CYLD: variants seen among roughly 807,000 people sequenced by gnomAD.
CYLD encodes CYLD lysine 63 deubiquitinase, also known as ubiquitin carboxyl-terminal hydrolase CYLD.
In CYLD, 26 loss-of-function variants were observed where a neutral mutation model predicts 104.5. That is an observed-to-expected ratio of 0.25 (90% CI 0.18 to 0.35). The LOEUF is 0.35. Among genes scored for constraint, CYLD ranks in the 10% least tolerant of loss-of-function variants. The probability of loss-of-function intolerance (pLI) is 1.00; values close to 1 mark genes in which losing one functional copy is unlikely to be tolerated. For missense variants in CYLD, 703 were observed against 1,136.1 expected, an observed-to-expected ratio of 0.62 and a Z score of 5.48; for synonymous variants, 385 against 399.9, an observed-to-expected ratio of 0.96 and a Z score of 0.45.
intron 10 of CYLD, among the ~76,000 whole-genome samples, chr16:50,781,842 C>G (rs1391585431): frequency 6.6e-6 from 1 of 152,144 alleles, no homozygotes; most frequent in East Asian, 1.9e-4. Context: ...GGACAGCTCT[C>G]CTCATCATGT....
At chr16:50,754,997 GTATATATACATATATATGTATATATACA>G (rs1966878393) in intron 5 of CYLD, among the ~76,000 whole-genome samples, 4 of 7,560 alleles carry the variant, frequency 5.3e-4, no homozygotes, top group African/African-American at 2.4e-3. Flanking sequence ...ACATATATAT[GTATATATACATATATATGTATATATACA>G]TATATATGTA....
intron 5 of CYLD, among the ~76,000 whole-genome samples, chr16:50,761,567 C>T (rs1278385508): frequency 6.6e-6 from 1 of 152,164 alleles, no homozygotes; most frequent in Non-Finnish European, 1.5e-5. Flanking sequence ...GGAGCTGGTG[C>T]ATTTCACTTG....
chr16:50,747,445 C>T (rs550408863), intron 2 of CYLD, among the ~76,000 whole-genome samples: 8 of 152,178 alleles, frequency 5.3e-5, no homozygotes, highest in Non-Finnish European at 1.0e-4. Context: ...AGCCTTTTAA[C>T]AAAATAACAG....
chr16:50,770,587 A>G (rs895477118), intron 5 of CYLD, among the ~76,000 whole-genome samples: 1 of 151,168 alleles, frequency 6.6e-6, no homozygotes, highest in African/African-American at 2.4e-5. Flanking sequence ...AGTAGCTGGG[A>G]TTACAGGTGT....
chr16:50,760,660 G>A (rs1193860003), intron 5 of CYLD, among the ~76,000 whole-genome samples: 1 of 151,940 alleles, frequency 6.6e-6, no homozygotes, highest in Non-Finnish European at 1.5e-5. Context: ...TCCATTGTAC[G>A]GAAAAAAATT....
chr16:50,766,083 A>G (rs2150954840), intron 5 of CYLD, among the ~76,000 whole-genome samples: 1 of 152,358 alleles, frequency 6.6e-6, no homozygotes, highest in Middle Eastern at 3.4e-3. Flanking sequence ...CTTCTATTGG[A>G]AGAAGATACC....
chr16:50,793,920 A>AT lies in CYLD; in HGVS notation c.2470-273dup, dbSNP rs34233862. On this transcript the variant is annotated intron_variant, in intron 17 of 18. Coordinates refer to ENST00000427738, the MANE Select transcript of CYLD (RefSeq NM_001378743.1). ...ACATTGAGTTTCTCTCATTAATGACATTTTTTTTTTTTTTTTTTTGAGACT... is the reference window on the plus strand; with the variant it reads ...ACATTGAGTTTCTCTCATTAATGACATTTTTTTTTTTTTTTTTTTTGAGACT... 0.49 allele frequency among the ~76,000 whole-genome samples: 64,174 copies of AT among 131,024 alleles called. 17,107 individuals carry two copies. The highest frequency in any genetic ancestry group is 0.66 in the African/African-American group (23,082 of 34,730). The allele number at this position is 131,024 out of a possible 152,430, so 86.0% of individuals were successfully genotyped here.
intron 5 of CYLD, among the ~76,000 whole-genome samples, chr16:50,754,952 T>C (rs922358243): frequency 8.2e-5 from 12 of 146,478 alleles, no homozygotes; most frequent in Admixed American, 5.5e-4. Context: ...TATACACACA[T>C]ATATACATAT....
chr16:50,751,980 ACATATATATACAC>A (rs1414903739), intron 4 of CYLD, 74 bp downstream of exon 4: 51 of 120,682 alleles, frequency 4.2e-4, no homozygotes, highest in African/African-American at 9.6e-4. Flanking sequence ...ATATATATAA[ACATATATATACAC>A]ACATATATAT....
Position 50,786,851 on chromosome 16 carries a change from TTAGATA to T in CYLD, c.1950-2_1953del, listed in dbSNP as rs886040882. 6.3e-7 allele frequency: 1 copy of T among 1,594,736 alleles called. No individual in the cohort carries two copies. The highest frequency in any genetic ancestry group is 8.6e-7 in the Non-Finnish European group (1 of 1,162,480). Reference sequence around the variant, plus strand: ...TATCAATTAATAGTTTTTTACTAACTTAGATATGGATATGTGTGTGCCACAAAAATT... The same window carrying T: ...TATCAATTAATAGTTTTTTACTAACTTGGATATGTGTGTGCCACAAAAATT... On this transcript the variant is annotated splice_acceptor_variant and splice_polypyrimidine_tract_variant and coding_sequence_variant and intron_variant, in exon 13 of 19. Transcript: ENST00000427738. LOFTEE classifies it high-confidence loss of function.
intron 9 of CYLD, 131 bp from the exon 10 acceptor site, chr16:50,781,115 G>A (rs1209862841): frequency 1.1e-6 from 1 of 940,482 alleles, no homozygotes; most frequent in Non-Finnish European, 1.7e-6. Context: ...TCTTGATGAG[G>A]TTCTCAGTAC....
chr16:50,785,136 A>T (rs1400242437), intron 12 of CYLD: 1 of 152,246 alleles, frequency 6.6e-6, no homozygotes, highest in Non-Finnish European at 1.5e-5. Flanking sequence ...ATAATGTCAC[A>T]TTATAAAATT....
intron 17 of CYLD, 83 bp downstream of exon 17, chr16:50,793,747 A>G (rs1205505678): frequency 3.1e-6 from 3 of 960,070 alleles, no homozygotes; most frequent in East Asian, 2.4e-5. Context: ...CGTTTTGGAA[A>G]GTTTTTTAAA....
intron 6 of CYLD, among the ~76,000 whole-genome samples, chr16:50,775,774 A>T (rs1567443008): frequency 6.6e-6 from 1 of 152,224 alleles, no homozygotes; most frequent in East Asian, 1.9e-4. Flanking sequence ...AGCATCTTCA[A>T]GAAATATTTG....
At position 50,796,770 on chromosome 16, in the gene CYLD, A is replaced by T. The variant is rs1972086751; in HGVS notation, c.*262A>T. 6.1e-6 allele frequency: 3 copies of T among 488,516 alleles called. No homozygotes were observed. The South Asian group carries it at 6.5e-5, about 11-fold the overall frequency. The allele number at this position is 488,516 out of a possible 1,614,324, so 30.3% of individuals were successfully genotyped here. A position where few individuals can be genotyped will look rare whatever the true frequency, so the allele number is the denominator to read the frequency against. On this transcript the variant is annotated 3_prime_UTR_variant, in exon 19 of 19. Coordinates refer to ENST00000427738, the MANE Select transcript of CYLD (RefSeq NM_001378743.1). ...TGAAGTTATTAATACCTGAAGCTTT[A>T]AGTTAAGTGCATTGATCATATGATA...
intron 2 of CYLD, 112 bp from the exon 3 acceptor site, chr16:50,749,464 G>T: frequency 5.2e-6 from 3 of 580,272 alleles, no homozygotes; most frequent in South Asian, 2.3e-5. Flanking sequence ...GTGTTTACTG[G>T]TCAAATGAAA....
chr16:50,762,305 GTCT>G (rs1216126088), intron 5 of CYLD, among the ~76,000 whole-genome samples: 1 of 152,094 alleles, frequency 6.6e-6, no homozygotes, highest in Non-Finnish European at 1.5e-5. Context: ...CAAAATAGTA[GTCT>G]TCTTGATAGT....
At chr16:50,755,228 T>C (rs1472598225) in intron 5 of CYLD, among the ~76,000 whole-genome samples, 2 of 147,942 alleles carry the variant, frequency 1.4e-5, no homozygotes, top group Non-Finnish European at 3.0e-5. Context: ...CGTGTACATA[T>C]GTGTGTATAT....
intron 5 of CYLD, among the ~76,000 whole-genome samples, chr16:50,762,860 T>C (rs1968106599): frequency 6.6e-6 from 1 of 152,270 alleles, no homozygotes; most frequent in African/African-American, 2.4e-5. Flanking sequence ...AATTGACTTT[T>C]TTTTTAGAAA....
Sources: gnomAD v4.1 joint callset for allele counts (sites outside exome capture counted in the v4.1 genomes callset) on GRCh38, gnomAD v4.1.1 for gene constraint, MANE v1.5 for transcripts, NCBI Gene and HGNC (gene_info 2026-07-23, HGNC 2026-07-21) for gene names.